GRIK1: variants seen among roughly 807,000 people sequenced by gnomAD.
The protein encoded by GRIK1 is glutamate receptor ionotropic, kainate 1.
Under a neutral mutation model 105.7 loss-of-function variants are expected in GRIK1, and 69 were observed. The ratio of observed to expected loss-of-function variants is 0.65; its 90% CI spans 0.54 to 0.80. GRIK1 has a LOEUF of 0.80. GRIK1 is among the 30% of genes least tolerant of loss of function. The pLI, the probability that GRIK1 is intolerant of heterozygous loss-of-function variation, is 0.00. For synonymous variants in GRIK1, 438 were observed against 431.3 expected, an observed-to-expected ratio of 1.02 and a Z score of -0.19; for missense variants, 1,109 against 1,167.3, an observed-to-expected ratio of 0.95 and a Z score of 0.73.
chr21:29,543,036 T>C (rs1485127959), intron 16 of GRIK1, among the ~76,000 whole-genome samples: 1 of 152,228 alleles, frequency 6.6e-6, no homozygotes, highest in Non-Finnish European at 1.5e-5. Context: ...GGAGTATTTT[T>C]ATAAAGACAA....
At chr21:29,878,262 G>A (rs1399969527) in intron 1 of GRIK1, among the ~76,000 whole-genome samples, 1 of 152,114 alleles carries the variant, frequency 6.6e-6, no homozygotes, top group African/African-American at 2.4e-5. Context: ...GCCTCAGCAA[G>A]GGTTAATAAG....
Position 29,593,122 on chromosome 21 carries a change from G to A in GRIK1, c.1252-1897C>T, listed in dbSNP as rs369578760. On this transcript the variant is annotated intron_variant, in intron 9 of 17. Coordinates refer to ENST00000327783, the MANE Select transcript of GRIK1 (RefSeq NM_001330994.2). ...GACTATTACACGTTCACACATCAGT[G>A]TGAACTATTTTAATTTCAGTTTTAT... Among the ~76,000 whole-genome samples, 14 of 152,304 alleles carry A rather than the reference G, an allele frequency of 9.2e-5. No individual in the cohort carries two copies. The East Asian group carries it at 2.3e-3, about 25-fold the overall frequency.
chr21:29,727,856 AT>A lies in GRIK1; in HGVS notation c.119-33794del, dbSNP rs570477999. On this transcript the variant is annotated intron_variant, in intron 1 of 17. Transcript: ENST00000327783. ...GCCTCCATCATCTGCCCATAATCTGATTATGTCCCATAATCTGCCGCCTGTA... is the reference window on the plus strand; with the variant it reads ...GCCTCCATCATCTGCCCATAATCTGATATGTCCCATAATCTGCCGCCTGTA... Among the ~76,000 whole-genome samples, 1,174 of 152,276 alleles carry A rather than the reference AT, an allele frequency of 7.7e-3. 6 individuals carry two copies. Among genetic ancestry groups the A allele is most frequent in the Non-Finnish European group, 0.012 (822 of 68,020 alleles).
At chr21:29,695,841 C>A (rs1460421605) in intron 1 of GRIK1, among the ~76,000 whole-genome samples, 1 of 152,078 alleles carries the variant, frequency 6.6e-6, no homozygotes. Flanking sequence ...GTAGGTTTTA[C>A]CTAACTTGTC....
chr21:29,921,758 A>G (rs2146327077), intron 1 of GRIK1, among the ~76,000 whole-genome samples: 1 of 152,304 alleles, frequency 6.6e-6, no homozygotes, highest in South Asian at 2.1e-4. Context: ...ATATTGCTAT[A>G]CAAATTAACG....
chr21:29,853,241 G>A lies in GRIK1; in HGVS notation c.118+86142C>T, dbSNP rs73343755. Among the ~76,000 whole-genome samples the A allele has an allele frequency of 9.7e-3, 1,483 of 152,282 alleles. 26 individuals carry two copies. Among genetic ancestry groups the A allele is most frequent in the African/African-American group, 0.034 (1,430 of 41,536 alleles). ...TAAAGGCTCAATACTTGAAAGAAAA[G>A]TCTTAACATTTACATAGCAGTACAG... On this transcript the variant is annotated intron_variant, in intron 1 of 17. Transcript: ENST00000327783.
chr21:29,633,808 T>G (rs1323137227), intron 7 of GRIK1, among the ~76,000 whole-genome samples: 1 of 152,150 alleles, frequency 6.6e-6, no homozygotes, highest in Non-Finnish European at 1.5e-5. Context: ...TAGCTAGGGA[T>G]GCTGAAGAAT....
intron 7 of GRIK1, among the ~76,000 whole-genome samples, chr21:29,615,890 T>C (rs1690194045): frequency 6.6e-6 from 1 of 152,186 alleles, no homozygotes; most frequent in Non-Finnish European, 1.5e-5. Context: ...AAGACTTCAG[T>C]GACTCTGGGA....
chr21:29,894,902 A>G (rs1000734721), intron 1 of GRIK1, among the ~76,000 whole-genome samples: 12 of 152,200 alleles, frequency 7.9e-5, no homozygotes, highest in African/African-American at 2.7e-4. Flanking sequence ...CCTTGAAGGC[A>G]GTCATCTGGC....
chr21:29,580,120 C>T (rs543184971), intron 13 of GRIK1, among the ~76,000 whole-genome samples: 3 of 130,282 alleles, frequency 2.3e-5, no homozygotes, highest in Non-Finnish European at 4.8e-5. Flanking sequence ...TACATATATA[C>T]ACATATACAC....
At chr21:29,796,217 G>T (rs190053401) in intron 1 of GRIK1, among the ~76,000 whole-genome samples, 22 of 152,218 alleles carry the variant, frequency 1.4e-4, no homozygotes, top group Admixed American at 9.2e-4. Flanking sequence ...AAATAATGTG[G>T]AAGAAATTAA....
At chr21:29,832,729 G>C (rs1392756584) in intron 1 of GRIK1, among the ~76,000 whole-genome samples, 1 of 152,174 alleles carries the variant, frequency 6.6e-6, no homozygotes, top group African/African-American at 2.4e-5. Context: ...AGCCCTCTGG[G>C]CCTGTGACAG....
At chr21:29,766,114 G>T (rs1404914207) in intron 1 of GRIK1, among the ~76,000 whole-genome samples, 5 of 152,076 alleles carry the variant, frequency 3.3e-5, no homozygotes, top group Admixed American at 6.5e-5. Flanking sequence ...CTCCAAAAGT[G>T]CTGGGATTAC....
At chr21:29,894,773 C>T (rs1270129987) in intron 1 of GRIK1, among the ~76,000 whole-genome samples, 1 of 152,158 alleles carries the variant, frequency 6.6e-6, no homozygotes, top group Non-Finnish European at 1.5e-5. Flanking sequence ...TGATTAGGTT[C>T]TCTTTGCCAA....
At chr21:29,650,760 C>T (rs2062716460) in intron 6 of GRIK1, among the ~76,000 whole-genome samples, 1 of 152,206 alleles carries the variant, frequency 6.6e-6, no homozygotes, top group Non-Finnish European at 1.5e-5. Context: ...CAAATCGGTT[C>T]TGCAAAACTC....
In GRIK1 at chr21:29,920,134, A is replaced by C. The variant is rs16985405; in HGVS notation, c.118+19249T>G. 9.5e-3 allele frequency among the ~76,000 whole-genome samples: 1,441 copies of C among 151,628 alleles called. 32 individuals are homozygous for C. Among genetic ancestry groups the C allele is most frequent in the African/African-American group, 0.034 (1,376 of 40,930 alleles). On this transcript the variant is annotated intron_variant, in intron 1 of 17. Coordinates refer to ENST00000327783, the MANE Select transcript of GRIK1 (RefSeq NM_001330994.2). ...TCTGCTTCTTTGCTCACAGTCTCTC[A>C]GGGGATAATAAGAACATTCTACTTC...
At chr21:29,805,142 C>T (rs1252832799) in intron 1 of GRIK1, among the ~76,000 whole-genome samples, 7 of 152,112 alleles carry the variant, frequency 4.6e-5, no homozygotes, top group African/African-American at 1.7e-4. Context: ...CAAACCACCC[C>T]TCCACCCCCT....
intron 15 of GRIK1, among the ~76,000 whole-genome samples, chr21:29,557,688 GA>G (rs1010969768): frequency 6.6e-6 from 1 of 152,028 alleles, no homozygotes; most frequent in African/African-American, 2.4e-5. Flanking sequence ...AATTTTTGGT[GA>G]AAAAAATGGA....
At chr21:29,630,038 T>C (rs2062229401) in intron 7 of GRIK1, among the ~76,000 whole-genome samples, 1 of 152,088 alleles carries the variant, frequency 6.6e-6, no homozygotes, top group Admixed American at 6.6e-5. Flanking sequence ...AGGCACACTA[T>C]AGTACTGACA....
Sources: allele counts gnomAD v4.1 joint callset (sites outside exome capture counted in the v4.1 genomes callset), GRCh38; gene constraint gnomAD v4.1.1; transcripts MANE v1.5; gene names NCBI Gene and HGNC (gene_info 2026-07-23, HGNC 2026-07-21).